The following MAP3K13 variants were observed in gnomAD, a reference collection of about 807,000 sequenced individuals.
MAP3K13 encodes leucine zipper-bearing kinase.
In MAP3K13, 52 loss-of-function variants were observed where a neutral mutation model predicts 104.0. The observed-to-expected ratio is 0.50, with a 90% CI of 0.40 to 0.63. The LOEUF (loss-of-function observed/expected upper bound fraction) is 0.63, where lower values mean the gene tolerates loss of function less well. Ranked by LOEUF, MAP3K13 falls within the 20% of genes least tolerant of loss-of-function variation. The pLI is 0.00. For synonymous variants in MAP3K13, 394 were observed against 442.2 expected, an observed-to-expected ratio of 0.89 and a Z score of 1.37; for missense variants, 914 against 1,218.5, an observed-to-expected ratio of 0.75 and a Z score of 3.72.
At chr3:185,314,724 A>G (rs1577416310) in intron 2 of MAP3K13, among the ~76,000 whole-genome samples, 1 of 151,766 alleles carries the variant, frequency 6.6e-6, no homozygotes, top group African/African-American at 2.4e-5. Context: ...GGCTCAGGTG[A>G]CCCTCCTGCC....
intron 7 of MAP3K13, among the ~76,000 whole-genome samples, chr3:185,455,716 G>GATATATATGAT (rs1560120606): frequency 1.8e-4 from 2 of 10,888 alleles, no homozygotes; most frequent in Admixed American, 3.6e-3. Flanking sequence ...ATATATATGA[G>GATATATATGAT]ATATATATGA....
chr3:185,319,548 A>G (rs2108693151), intron 2 of MAP3K13, among the ~76,000 whole-genome samples: 1 of 152,356 alleles, frequency 6.6e-6, no homozygotes, highest in East Asian at 1.9e-4. Context: ...GCCTTGGCAC[A>G]CCAGTTGGGA....
At chr3:185,455,727 T>TATATATATGAGATATATATATG (rs1716641808) in intron 7 of MAP3K13, among the ~76,000 whole-genome samples, 1 of 10,864 alleles carries the variant, frequency 9.2e-5, no homozygotes, top group African/African-American at 2.1e-4. Context: ...ATATATATGA[T>TATATATATGAGATATATATATG]ATATATATGA....
At chr3:185,322,195 G>A (rs932686053) in intron 2 of MAP3K13, among the ~76,000 whole-genome samples, 1 of 152,196 alleles carries the variant, frequency 6.6e-6, no homozygotes, top group Admixed American at 6.5e-5. Flanking sequence ...AGTTTGAGGA[G>A]CACGTTAAGT....
chr3:185,437,000 C>CAAAAAAAAAAA (rs58819806), intron 2 of MAP3K13, among the ~76,000 whole-genome samples: 4 of 36,964 alleles, frequency 1.1e-4, no homozygotes, highest in African/African-American at 3.1e-4. Flanking sequence ...GACTCTGTCT[C>CAAAAAAAAAAA]AAAAAAAAAA....
intron 2 of MAP3K13, among the ~76,000 whole-genome samples, chr3:185,343,190 TC>T (rs1722784378): frequency 6.6e-6 from 1 of 152,182 alleles, no homozygotes; most frequent in African/African-American, 2.4e-5. Context: ...CAGCACCTTT[TC>T]TGTATTATAT....
At chr3:185,316,474 C>T (rs1287187831) in intron 2 of MAP3K13, among the ~76,000 whole-genome samples, 1 of 152,052 alleles carries the variant, frequency 6.6e-6, no homozygotes, top group Non-Finnish European at 1.5e-5. Flanking sequence ...AACCCCGTCT[C>T]TACAAAAAAT....
chr3:185,343,374 C>T (rs1402344832), intron 2 of MAP3K13, among the ~76,000 whole-genome samples: 1 of 152,160 alleles, frequency 6.6e-6, no homozygotes, highest in East Asian at 1.9e-4. Flanking sequence ...GGTTTCTGTA[C>T]CTAAAAAGGC....
chr3:185,401,715 C>G (rs2108777897), intron 1 of MAP3K13, among the ~76,000 whole-genome samples: 1 of 152,258 alleles, frequency 6.6e-6, no homozygotes, highest in East Asian at 1.9e-4. Context: ...AAAGTTTCAT[C>G]AGTATATGAA....
Position 185,418,036 on chromosome 3 carries a change from C to A in MAP3K13, c.-85-10461C>A. The A allele has an allele frequency of 6.2e-7, 1 of 1,611,880 alleles. No individual in the cohort carries two copies. On this transcript the variant is annotated intron_variant, in intron 1 of 13. Coordinates refer to ENST00000265026, the MANE Select transcript of MAP3K13 (RefSeq NM_004721.5). This position sits in a 1 kb window ranked among gnomAD's most constrained non-coding sequence, Gnocchi z 4.5. ...AGCACTTTCAGTCCAAATGCAGAAA[C>A]GTCCCACATGCCCACCAGGAGCAAG...
At chr3:185,309,794 T>C (rs1384040912) in intron 2 of MAP3K13, among the ~76,000 whole-genome samples, 3 of 152,182 alleles carry the variant, frequency 2.0e-5, no homozygotes, top group African/African-American at 4.8e-5. Flanking sequence ...TTGTATTTAG[T>C]GTGATCCGTG....
At chr3:185,440,512 A>G (rs1371253323) in intron 3 of MAP3K13, among the ~76,000 whole-genome samples, 1 of 152,204 alleles carries the variant, frequency 6.6e-6, no homozygotes, top group African/African-American at 2.4e-5. Flanking sequence ...TGGGTTCACC[A>G]AGCTTTCCTA....
chr3:185,447,990 C>T (rs1438754862), intron 5 of MAP3K13, 43 bp downstream of exon 5: 7 of 1,573,776 alleles, frequency 4.4e-6, no homozygotes, highest in African/African-American at 1.4e-5. Context: ...AGCCTTTTCC[C>T]ACTTTCGCCC....
chr3:185,456,464 A>G lies in MAP3K13; in HGVS notation c.1278+5069A>G, dbSNP rs149389010. Reference sequence around the variant, plus strand: ...ATACATGTAGGTATCGGGGCACTGGATGAGAAATCTTTATCTTCTGTTAGT... The same window carrying G: ...ATACATGTAGGTATCGGGGCACTGGGTGAGAAATCTTTATCTTCTGTTAGT... On this transcript the variant is annotated intron_variant, in intron 7 of 13. Transcript: ENST00000265026. Among the ~76,000 whole-genome samples the G allele has an allele frequency of 5.7e-3, 866 of 152,214 alleles. 5 individuals are homozygous for G. Among genetic ancestry groups the G allele is most frequent in the African/African-American group, 0.019 (773 of 41,534 alleles).
intron 2 of MAP3K13, among the ~76,000 whole-genome samples, chr3:185,347,006 T>A (rs1022440227): frequency 1.4e-5 from 2 of 147,128 alleles, no homozygotes; most frequent in Non-Finnish European, 3.0e-5. Flanking sequence ...TTTTTTTTTT[T>A]AGACAGAGTC....
chr3:185,310,487 A>G (rs1216650264), intron 2 of MAP3K13, among the ~76,000 whole-genome samples: 2 of 152,242 alleles, frequency 1.3e-5, no homozygotes, highest in Non-Finnish European at 2.9e-5. Flanking sequence ...TATTACAGGA[A>G]CAAGTAGAAA....
rs576390061 is a variant in MAP3K13 at position 185,316,743 on chromosome 3, T to C, written c.-86+31100T>C. Among the ~76,000 whole-genome samples, 3 of 152,348 alleles carry C rather than the reference T, an allele frequency of 2.0e-5. No homozygotes were observed. The East Asian group carries it at 5.8e-4, about 29-fold the overall frequency. ...AGCAATTTGATTATCTAGTCTTTTC[T>C]CTCCCTCTGTCCCCAACCACAACAA... On this transcript the variant is annotated intron_variant, in intron 2 of 14. Transcript: ENST00000424227.
chr3:185,445,063 T>C (rs1715524123), intron 4 of MAP3K13, among the ~76,000 whole-genome samples: 1 of 67,790 alleles, frequency 1.5e-5, no homozygotes, highest in African/African-American at 3.6e-5. Flanking sequence ...AGTGTTTTCA[T>C]GGTTTATAAT....
chr3:185,461,637 G>A (rs933492401), intron 7 of MAP3K13, among the ~76,000 whole-genome samples: 23 of 151,674 alleles, frequency 1.5e-4, no homozygotes, highest in African/African-American at 5.1e-4. Flanking sequence ...ATCTTGGCTC[G>A]CTGCAAGCTC....
Sources: allele counts gnomAD v4.1 joint callset (sites outside exome capture counted in the v4.1 genomes callset), GRCh38; gene constraint gnomAD v4.1.1; non-coding constraint Gnocchi (gnomAD v3.1); transcripts MANE v1.5; gene names NCBI Gene and HGNC (gene_info 2026-07-23, HGNC 2026-07-21).